The following EPHA6 variants were observed in gnomAD, a reference collection of about 807,000 sequenced individuals.
The protein encoded by EPHA6 is EPH receptor A6.
A neutral mutation model predicts 112.0 loss-of-function variants in EPHA6; 50 were observed. The observed-to-expected ratio is 0.45, with a 90% CI of 0.36 to 0.56. The LOEUF is 0.56. Among genes scored for constraint, EPHA6 ranks in the 20% least tolerant of loss-of-function variants. The pLI is 0.00. For synonymous variants in EPHA6, 529 were observed against 490.7 expected, an observed-to-expected ratio of 1.08 and a Z score of -1.03; for missense variants, 1,280 against 1,417.4, an observed-to-expected ratio of 0.90 and a Z score of 1.56.
intron 5 of EPHA6, among the ~76,000 whole-genome samples, chr3:97,321,269 G>T (rs566811844): frequency 6.6e-6 from 1 of 151,924 alleles, no homozygotes; most frequent in South Asian, 2.1e-4. Flanking sequence ...AGTAAATTGG[G>T]TTGTCACTTT....
At chr3:97,004,145 C>T (rs1206856502) in intron 3 of EPHA6, among the ~76,000 whole-genome samples, 2 of 151,870 alleles carry the variant, frequency 1.3e-5, no homozygotes, top group South Asian at 2.1e-4. Context: ...TTCATATTCC[C>T]GTGGTTATAT....
chr3:97,031,914 A>G (rs2044864204), intron 3 of EPHA6, among the ~76,000 whole-genome samples: 1 of 152,206 alleles, frequency 6.6e-6, no homozygotes, highest in Non-Finnish European at 1.5e-5. Context: ...CTAGAACTAG[A>G]AATACCATTT....
At chr3:96,852,686 G>A (rs2035467668) in intron 1 of EPHA6, among the ~76,000 whole-genome samples, 1 of 151,370 alleles carries the variant, frequency 6.6e-6, no homozygotes, top group Admixed American at 6.6e-5. Flanking sequence ...ATTTATTTGA[G>A]TGTCCCCTGC....
chr3:97,010,761 T>G (rs1420881907), intron 3 of EPHA6, among the ~76,000 whole-genome samples: 1 of 152,122 alleles, frequency 6.6e-6, no homozygotes, highest in Non-Finnish European at 1.5e-5. Context: ...CGGGTTCAAG[T>G]GATTCTTGTG....
chr3:97,730,940 T>C (rs1443710108), intron 15 of EPHA6, among the ~76,000 whole-genome samples: 1 of 151,918 alleles, frequency 6.6e-6, no homozygotes, highest in African/African-American at 2.4e-5. Flanking sequence ...ACAGCAAAGG[T>C]GAGGACTGAG....
chr3:97,436,038 G>A (rs187865320), intron 6 of EPHA6, among the ~76,000 whole-genome samples: 30 of 152,150 alleles, frequency 2.0e-4, no homozygotes, highest in Non-Finnish European at 3.1e-4. Flanking sequence ...ACTTATAGTC[G>A]CTCAGTGATG....
chr3:96,939,492 T>C (rs1025168527), intron 2 of EPHA6, among the ~76,000 whole-genome samples: 7 of 152,232 alleles, frequency 4.6e-5, no homozygotes, highest in African/African-American at 1.7e-4. Flanking sequence ...GATTCTTCTC[T>C]CTTTTCTTCT....
chr3:97,165,730 G>A (rs1438481010), intron 3 of EPHA6, among the ~76,000 whole-genome samples: 4 of 152,158 alleles, frequency 2.6e-5, no homozygotes, highest in Non-Finnish European at 5.9e-5. Context: ...GCACCACTGT[G>A]TAGGAAAAAT....
intron 3 of EPHA6, among the ~76,000 whole-genome samples, chr3:97,138,633 C>G (rs560041491): frequency 3.7e-4 from 57 of 152,266 alleles, no homozygotes; most frequent in African/African-American, 1.4e-3. Context: ...GGGCCTGGCC[C>G]CAGTCCAGGG....
chr3:97,018,500 G>A (rs1410787867), intron 3 of EPHA6, among the ~76,000 whole-genome samples: 2 of 152,202 alleles, frequency 1.3e-5, no homozygotes, highest in Admixed American at 1.3e-4. Flanking sequence ...GGCCACGTGG[G>A]TCACGTGTCC....
intron 3 of EPHA6, among the ~76,000 whole-genome samples, chr3:97,114,107 T>C (rs957525747): frequency 1.3e-5 from 2 of 152,094 alleles, no homozygotes; most frequent in Non-Finnish European, 2.9e-5. Flanking sequence ...AAAACTGGAT[T>C]TAGCAGAAGT....
intron 14 of EPHA6, among the ~76,000 whole-genome samples, chr3:97,686,678 A>T (rs1220592816): frequency 6.6e-6 from 1 of 152,190 alleles, no homozygotes; most frequent in Non-Finnish European, 1.5e-5. Context: ...GACATGCACT[A>T]TCTTTCCTGG....
intron 14 of EPHA6, among the ~76,000 whole-genome samples, chr3:97,666,125 A>T (rs2030078372): frequency 6.6e-6 from 1 of 151,298 alleles, no homozygotes; most frequent in Admixed American, 6.6e-5. Context: ...AATTTTGTCC[A>T]AATTCAGCCC....
intron 2 of EPHA6, among the ~76,000 whole-genome samples, chr3:96,873,391 C>T (rs977904259): frequency 1.3e-5 from 2 of 152,052 alleles, no homozygotes; most frequent in Non-Finnish European, 2.9e-5. Context: ...TTACTTGTTA[C>T]AATGGAGAAG....
chr3:97,179,299 T>A (rs1249735407), intron 3 of EPHA6, among the ~76,000 whole-genome samples: 1 of 152,136 alleles, frequency 6.6e-6, no homozygotes, highest in Non-Finnish European at 1.5e-5. Context: ...TGGTATTTTT[T>A]TGAGTTTCCT....
intron 2 of EPHA6, among the ~76,000 whole-genome samples, chr3:96,964,637 C>T (rs2042057976): frequency 6.6e-6 from 1 of 152,132 alleles, no homozygotes; most frequent in Non-Finnish European, 1.5e-5. Flanking sequence ...CTGTTTAGAT[C>T]CACTATATTT....
At chr3:97,128,177 A>C (rs1354500690) in intron 3 of EPHA6, among the ~76,000 whole-genome samples, 1 of 152,192 alleles carries the variant, frequency 6.6e-6, no homozygotes, top group Non-Finnish European at 1.5e-5. Flanking sequence ...AAGTTGCTGC[A>C]AAAGGCATGA....
chr3:97,084,101 G>T (rs867786051), intron 3 of EPHA6, among the ~76,000 whole-genome samples: 4 of 103,570 alleles, frequency 3.9e-5, no homozygotes, highest in South Asian at 3.8e-4. Context: ...TGTGTGCATG[G>T]ATATATATAT....
intron 1 of EPHA6, among the ~76,000 whole-genome samples, chr3:96,826,901 T>C (rs1294148089): frequency 6.6e-6 from 1 of 152,146 alleles, no homozygotes; most frequent in African/African-American, 2.4e-5. Flanking sequence ...AAGTACTTCA[T>C]ATACTAGTGA....
Sources: gnomAD v4.1 joint callset for allele counts (sites outside exome capture counted in the v4.1 genomes callset) on GRCh38, gnomAD v4.1.1 for gene constraint, MANE v1.5 for transcripts, NCBI Gene and HGNC (gene_info 2026-07-23, HGNC 2026-07-21) for gene names.